LSAMP: variants seen among roughly 807,000 people sequenced by gnomAD.
LSAMP encodes the protein limbic system-associated membrane protein.
Under a neutral mutation model 38.6 loss-of-function variants are expected in LSAMP, and 7 were observed. The ratio of observed to expected loss-of-function variants is 0.18; its 90% CI spans 0.10 to 0.34. LSAMP has a LOEUF of 0.34. Ranked by LOEUF, LSAMP falls within the 10% of genes least tolerant of loss-of-function variation. The pLI is 1.00. For missense variants in LSAMP, 313 were observed against 420.0 expected (o/e 0.75, Z 2.23); for synonymous variants, 154 against 166.8 (o/e 0.92, Z 0.59).
At chr3:116,226,962 A>T (rs1301434160) in intron 1 of LSAMP, among the ~76,000 whole-genome samples, 1 of 152,082 alleles carries the variant, frequency 6.6e-6, no homozygotes, top group Non-Finnish European at 1.5e-5. Context: ...GAAATACATA[A>T]CCAACATTTT....
At chr3:115,963,906 A>G (rs1476769387) in intron 3 of LSAMP, among the ~76,000 whole-genome samples, 1 of 151,770 alleles carries the variant, frequency 6.6e-6, no homozygotes, top group Non-Finnish European at 1.5e-5. Context: ...GGCTCACACC[A>G]CCACACCTGG....
At position 115,804,633 on chromosome 3, in the gene LSAMP, T is replaced by C. The variant is rs1933589982; in HGVS notation, c.*5684A>G. The C allele has an allele frequency of 6.6e-6, 1 of 152,192 alleles. No homozygotes were observed. The highest frequency in any genetic ancestry group is 2.4e-5 in the African/African-American group (1 of 41,458). 9.4% of individuals were successfully genotyped at this position (152,192 alleles called of 1,614,324 possible). Reference sequence around the variant, plus strand: ...AGATTAGTGCATTTAAAGCCTGAAGTTAATTTGACCTAAAATTTTTATAAG... The same window carrying C: ...AGATTAGTGCATTTAAAGCCTGAAGCTAATTTGACCTAAAATTTTTATAAG... On this transcript the variant is annotated 3_prime_UTR_variant, in exon 7 of 7. Coordinates refer to ENST00000490035, the MANE Select transcript of LSAMP (RefSeq NM_002338.5).
chr3:116,313,369 C>T (rs1447551121), intron 1 of LSAMP, among the ~76,000 whole-genome samples: 5 of 152,166 alleles, frequency 3.3e-5, no homozygotes, highest in African/African-American at 7.2e-5. Flanking sequence ...TGACTGGAGG[C>T]GGATGCACCC....
At chr3:116,231,277 T>G (rs556593129) in intron 1 of LSAMP, among the ~76,000 whole-genome samples, 1 of 152,326 alleles carries the variant, frequency 6.6e-6, no homozygotes, top group Admixed American at 6.5e-5. Flanking sequence ...TTCTCACATA[T>G]TCAATCATTG....
chr3:116,408,162 C>A (rs1164208099), intron 1 of LSAMP, among the ~76,000 whole-genome samples: 3 of 151,942 alleles, frequency 2.0e-5, no homozygotes, highest in Non-Finnish European at 2.9e-5. Context: ...TTACACATAT[C>A]TATGTCATTT....
At chr3:116,348,742 A>C (rs944024050) in intron 1 of LSAMP, among the ~76,000 whole-genome samples, 3 of 152,170 alleles carry the variant, frequency 2.0e-5, no homozygotes, top group African/African-American at 7.2e-5. Flanking sequence ...ACTTCTGCAA[A>C]AATTTAACAC....
At chr3:115,973,331 T>C (rs1326118665) in intron 3 of LSAMP, among the ~76,000 whole-genome samples, 1 of 152,216 alleles carries the variant, frequency 6.6e-6, no homozygotes, top group East Asian at 1.9e-4. Flanking sequence ...TTATTCAAAA[T>C]GCTTGGGACC....
intron 1 of LSAMP, among the ~76,000 whole-genome samples, chr3:116,259,795 C>CA (rs1395978019): frequency 8.5e-5 from 13 of 152,078 alleles, no homozygotes; most frequent in Admixed American, 5.9e-4. Flanking sequence ...AAAAAACAAA[C>CA]AAAAAAACAA....
intron 1 of LSAMP, among the ~76,000 whole-genome samples, chr3:116,259,281 C>T (rs1993732): frequency 6.6e-6 from 1 of 151,970 alleles, no homozygotes; most frequent in African/African-American, 2.4e-5. Flanking sequence ...CCTTTTTTAG[C>T]TTATTTATGA....
intron 1 of LSAMP, among the ~76,000 whole-genome samples, chr3:116,395,793 A>T (rs2107818963): frequency 6.6e-6 from 1 of 152,310 alleles, no homozygotes; most frequent in South Asian, 2.1e-4. Flanking sequence ...TCTGTAGGAT[A>T]GCATTTACTG....
intron 3 of LSAMP, among the ~76,000 whole-genome samples, chr3:115,931,811 CTG>C (rs1937585154): frequency 6.6e-6 from 1 of 152,136 alleles, no homozygotes; most frequent in African/African-American, 2.4e-5. Flanking sequence ...GAAGAGAAAA[CTG>C]TGACTCAGAA....
chr3:115,836,082 T>G (rs1934771636), intron 6 of LSAMP, among the ~76,000 whole-genome samples: 1 of 152,226 alleles, frequency 6.6e-6, no homozygotes, highest in Non-Finnish European at 1.5e-5. Flanking sequence ...CTCATCATGC[T>G]GTTCACAGCT....
At chr3:115,850,714 C>G (rs992793546) in intron 4 of LSAMP, among the ~76,000 whole-genome samples, 1 of 152,164 alleles carries the variant, frequency 6.6e-6, no homozygotes, top group Non-Finnish European at 1.5e-5. Context: ...GTGCCATAAA[C>G]TATAGCAGAG....
chr3:116,163,063 A>G (rs1015503928), intron 1 of LSAMP, among the ~76,000 whole-genome samples: 4 of 151,248 alleles, frequency 2.6e-5, no homozygotes, highest in Admixed American at 1.3e-4. Context: ...AATGAAGAAG[A>G]TCTTTTTTTT....
At chr3:116,357,703 T>C (rs1003715524) in intron 1 of LSAMP, among the ~76,000 whole-genome samples, 4 of 152,144 alleles carry the variant, frequency 2.6e-5, no homozygotes, top group African/African-American at 4.8e-5. Flanking sequence ...ATATGCTGCA[T>C]AGGTTTTAGG....
intron 1 of LSAMP, among the ~76,000 whole-genome samples, chr3:116,320,328 G>A (rs1440081097): frequency 1.3e-5 from 2 of 152,102 alleles, no homozygotes; most frequent in Non-Finnish European, 2.9e-5. Context: ...CAGGAGAACT[G>A]CTTGAATCAA....
At chr3:116,039,525 C>T (rs1239461024) in intron 2 of LSAMP, among the ~76,000 whole-genome samples, 1 of 152,172 alleles carries the variant, frequency 6.6e-6, no homozygotes, top group Non-Finnish European at 1.5e-5. Flanking sequence ...TATGGAGGCA[C>T]CATGCACCAT....
At chr3:116,045,917 C>T (rs761607996) in intron 2 of LSAMP, among the ~76,000 whole-genome samples, 1 of 152,144 alleles carries the variant, frequency 6.6e-6, no homozygotes, top group African/African-American at 2.4e-5. Flanking sequence ...ATTTTAAACT[C>T]CCCAAAGTTT....
At chr3:116,305,744 A>AAAAC (rs1553723181) in intron 1 of LSAMP, among the ~76,000 whole-genome samples, 2 of 152,058 alleles carry the variant, frequency 1.3e-5, no homozygotes, top group Admixed American at 6.6e-5. Context: ...AGTATGTTGA[A>AAAAC]AAACAAACAG....
Sources: allele counts gnomAD v4.1 joint callset (sites outside exome capture counted in the v4.1 genomes callset), GRCh38; gene constraint gnomAD v4.1.1; transcripts MANE v1.5; gene names NCBI Gene and HGNC (gene_info 2026-07-23, HGNC 2026-07-21).